CDH4: variants seen among roughly 807,000 people sequenced by gnomAD.
CDH4 encodes the protein cadherin 4.
A neutral mutation model predicts 86.0 loss-of-function variants in CDH4; 33 were observed. The observed-to-expected ratio is 0.38, with a 90% confidence interval of 0.29 to 0.51. CDH4 has a LOEUF of 0.51. Ranked by LOEUF, CDH4 falls within the 20% of genes least tolerant of loss-of-function variation. CDH4 has a pLI of 0.86. For missense variants in CDH4, 1,114 were observed against 1,307.4 expected (o/e 0.85, Z 2.28); for synonymous variants, 555 against 549.4 (o/e 1.01, Z -0.14).
chr20:61,819,774 G>T (rs1273317685), intron 4 of CDH4, among the ~76,000 whole-genome samples: 1 of 152,166 alleles, frequency 6.6e-6, no homozygotes, highest in Non-Finnish European at 1.5e-5. Flanking sequence ...ACTTCGAGGA[G>T]GAAAGACGTT....
chr20:61,570,405 A>T (rs1864241759), intron 2 of CDH4: 1 of 438,784 alleles, frequency 2.3e-6, no homozygotes, highest in Non-Finnish European at 4.1e-6. Flanking sequence ...GCCTGGCTGC[A>T]GACGTACACT....
At chr20:61,567,505 G>T (rs1263363321) in intron 2 of CDH4, among the ~76,000 whole-genome samples, 1 of 152,164 alleles carries the variant, frequency 6.6e-6, no homozygotes, top group Non-Finnish European at 1.5e-5. Flanking sequence ...ATTCAGGAGG[G>T]CTCCACCCTG....
chr20:61,661,026 G>A (rs980150356), intron 2 of CDH4, among the ~76,000 whole-genome samples: 2 of 147,172 alleles, frequency 1.4e-5, no homozygotes, highest in Non-Finnish European at 3.0e-5. Context: ...GGCTTTAACA[G>A]GATCATTGCC....
intron 2 of CDH4, among the ~76,000 whole-genome samples, chr20:61,276,538 GCTGT>G (rs1051315332): frequency 3.3e-5 from 5 of 152,208 alleles, no homozygotes; most frequent in African/African-American, 1.2e-4. Context: ...CTATGTCGCT[GCTGT>G]CTTTCTGTCC....
In CDH4 at chr20:61,516,049, C is replaced by T. The variant is rs1188872242; in HGVS notation, c.170-227514C>T. On this transcript the variant is annotated intron_variant, in intron 2 of 15. Coordinates refer to ENST00000614565, the MANE Select transcript of CDH4 (RefSeq NM_001794.5). The surrounding 1 kb of genome is among the most constrained non-coding windows in gnomAD (Gnocchi z 4.0). Reference sequence around the variant, plus strand: ...TGGGCTCTGGAACGCCCCCCCAATACGATTCCACCGCAGGCAGGCAGCTCC... The same window carrying T: ...TGGGCTCTGGAACGCCCCCCCAATATGATTCCACCGCAGGCAGGCAGCTCC... Among the ~76,000 whole-genome samples the T allele has an allele frequency of 8.5e-5, 13 of 152,166 alleles. No individual in the cohort carries two copies. The highest frequency in any genetic ancestry group is 2.1e-4 in the South Asian group (1 of 4,826).
chr20:61,640,838 G>T (rs1026246332), intron 2 of CDH4, among the ~76,000 whole-genome samples: 1 of 152,180 alleles, frequency 6.6e-6, no homozygotes, highest in Non-Finnish European at 1.5e-5. Flanking sequence ...CTACGCTGTT[G>T]GTCTGTCTTT....
At chr20:61,763,503 G>A (rs139246934) in intron 3 of CDH4, among the ~76,000 whole-genome samples, 6 of 152,342 alleles carry the variant, frequency 3.9e-5, no homozygotes, top group African/African-American at 1.4e-4. Context: ...CAGGGAGCTC[G>A]TCCACCCTGC....
chr20:61,895,686 C>G (rs1157217154), intron 8 of CDH4, among the ~76,000 whole-genome samples: 6 of 152,226 alleles, frequency 3.9e-5, no homozygotes, highest in Non-Finnish European at 8.8e-5. Context: ...GGACCCTTCC[C>G]TTGAAATCTG....
chr20:61,613,389 C>T (rs754343097), intron 2 of CDH4, among the ~76,000 whole-genome samples: 8 of 152,088 alleles, frequency 5.3e-5, no homozygotes, highest in African/African-American at 1.4e-4. Flanking sequence ...GGGCCGTGTG[C>T]GTAGGTCAGT....
intron 8 of CDH4, among the ~76,000 whole-genome samples, chr20:61,895,503 C>T (rs1316666293): frequency 1.3e-5 from 2 of 152,230 alleles, no homozygotes; most frequent in Non-Finnish European, 2.9e-5. Context: ...TACCGGCTGC[C>T]TGGGGCCTGA....
intron 9 of CDH4, among the ~76,000 whole-genome samples, chr20:61,916,443 A>G (rs2054904344): frequency 6.6e-6 from 1 of 152,268 alleles, no homozygotes; most frequent in South Asian, 2.1e-4. Flanking sequence ...TAGACCCTGG[A>G]TATAAATGAT....
At chr20:61,408,647 G>A (rs191699529) in intron 2 of CDH4, among the ~76,000 whole-genome samples, 5 of 152,258 alleles carry the variant, frequency 3.3e-5, no homozygotes, top group African/African-American at 9.6e-5. Flanking sequence ...TGTGGGGTGC[G>A]TGGAGGTGAG....
chr20:61,618,882 C>T (rs1423581728), intron 2 of CDH4, among the ~76,000 whole-genome samples: 4 of 152,188 alleles, frequency 2.6e-5, no homozygotes, highest in Non-Finnish European at 4.4e-5. Context: ...CTTTCTGTGG[C>T]TCTGAAATTG....
chr20:61,706,256 C>A (rs1018056627), intron 2 of CDH4, among the ~76,000 whole-genome samples: 1 of 152,082 alleles, frequency 6.6e-6, no homozygotes, highest in Non-Finnish European at 1.5e-5. Context: ...TTCCCCTAAG[C>A]GACTTGGGCA....
intron 4 of CDH4, among the ~76,000 whole-genome samples, chr20:61,800,250 C>T (rs1979758344): frequency 6.6e-6 from 1 of 152,230 alleles, no homozygotes; most frequent in South Asian, 2.1e-4. Context: ...AGTGCACACA[C>T]GGTGCTTCTG....
At chr20:61,410,894 T>C (rs1343934889) in intron 2 of CDH4, among the ~76,000 whole-genome samples, 1 of 151,250 alleles carries the variant, frequency 6.6e-6, no homozygotes, top group Non-Finnish European at 1.5e-5. Context: ...TTCACTGATC[T>C]CTCCATCTAT....
At chr20:61,830,122 A>C (rs1981527263) in intron 4 of CDH4, among the ~76,000 whole-genome samples, 8 of 20,062 alleles carry the variant, frequency 4.0e-4, no homozygotes, top group South Asian at 3.1e-3. Flanking sequence ...CCACCCCCAC[A>C]CCCGTTCATG....
rs1287364840 is a variant in CDH4 at position 61,518,987 on chromosome 20, C to T, written c.170-224576C>T. On this transcript the variant is annotated intron_variant, in intron 2 of 15. Coordinates refer to ENST00000614565, the MANE Select transcript of CDH4 (RefSeq NM_001794.5). The surrounding 1 kb of genome is among the most constrained non-coding windows in gnomAD (Gnocchi z 6.3). Reference sequence around the variant, plus strand: ...ATTTATCCATCCATCCATCCTTCATCCATCCATTCATCCATGCATTCCCAG... The same window carrying T: ...ATTTATCCATCCATCCATCCTTCATTCATCCATTCATCCATGCATTCCCAG... Among the ~76,000 whole-genome samples the T allele has an allele frequency of 2.0e-5, 3 of 152,216 alleles. No homozygotes were observed. The highest frequency in any genetic ancestry group is 7.2e-5 in the African/African-American group (3 of 41,452).
chr20:61,708,432 C>T lies in CDH4; in HGVS notation c.170-35131C>T, dbSNP rs944480387. Among the ~76,000 whole-genome samples the T allele has an allele frequency of 3.4e-4, 51 of 152,078 alleles. No homozygotes were observed. Among genetic ancestry groups the T allele is most frequent in the Non-Finnish European group, 6.5e-4 (44 of 68,014 alleles). ...ACAGACACAGGCTTCCCAGCCAGGGCGACTGCAGCATCCACCTCCTGCCAC... is the reference window on the plus strand; with the variant it reads ...ACAGACACAGGCTTCCCAGCCAGGGTGACTGCAGCATCCACCTCCTGCCAC... On this transcript the variant is annotated intron_variant, in intron 2 of 15. Transcript: ENST00000614565. This position sits in a 1 kb window ranked among gnomAD's most constrained non-coding sequence, Gnocchi z 4.5.
Sources: gnomAD v4.1 joint callset for allele counts (sites outside exome capture counted in the v4.1 genomes callset) on GRCh38, gnomAD v4.1.1 for gene constraint, Gnocchi (gnomAD v3.1) non-coding constraint, MANE v1.5 for transcripts, NCBI Gene and HGNC (gene_info 2026-07-23, HGNC 2026-07-21) for gene names.